MACROD2: variants seen among roughly 807,000 people sequenced by gnomAD.
MACROD2 encodes ADP-ribose glycohydrolase MACROD2.
Under a neutral mutation model 70.4 loss-of-function variants are expected in MACROD2, and 36 were observed. The ratio of observed to expected loss-of-function variants is 0.51; its 90% confidence interval spans 0.39 to 0.68. The LOEUF is 0.68. MACROD2 is among the 30% of genes least tolerant of loss of function. The pLI, the probability that MACROD2 is intolerant of heterozygous loss-of-function variation, is 0.00. For missense variants in MACROD2, 496 were observed against 538.4 expected (o/e 0.92, Z 0.78); for synonymous variants, 172 against 178.8 (o/e 0.96, Z 0.30).
chr20:14,475,040 T>C (rs953029070), intron 3 of MACROD2, among the ~76,000 whole-genome samples: 1 of 152,072 alleles, frequency 6.6e-6, no homozygotes, highest in Non-Finnish European at 1.5e-5. Context: ...TCTTTCTTTT[T>C]CTCTTACTTT....
intron 9 of MACROD2, among the ~76,000 whole-genome samples, chr20:15,876,121 T>TATATATATATATATATATA (rs1568611993): frequency 3.9e-5 from 1 of 25,474 alleles, no homozygotes; most frequent in African/African-American, 1.2e-4. Flanking sequence ...ATGTGTGTAT[T>TATATATATATATATATATA]TTTTTTATTA....
chr20:15,380,052 A>G (rs2045620127), intron 6 of MACROD2, among the ~76,000 whole-genome samples: 1 of 152,122 alleles, frequency 6.6e-6, no homozygotes, highest in African/African-American at 2.4e-5. Flanking sequence ...GCTCCTCTTT[A>G]TCTTTACATA....
chr20:15,101,721 G>A (rs543790893), intron 5 of MACROD2, among the ~76,000 whole-genome samples: 104 of 151,684 alleles, frequency 6.9e-4, no homozygotes, highest in African/African-American at 2.3e-3. Flanking sequence ...TTCAGAATAC[G>A]AATTATAGAC....
chr20:16,003,946 G>A lies in MACROD2; in HGVS notation c.1153+16788G>A, dbSNP rs568775983. Among the ~76,000 whole-genome samples the A allele has an allele frequency of 2.0e-5, 3 of 152,228 alleles. No homozygotes were observed. The South Asian group carries it at 6.2e-4, about 32-fold the overall frequency. ...GGCCTCCAAAAGTGCTGGGATTACGGGCTTGAGCCACCGTGCCCGGCCAAA... is the reference window on the plus strand; with the variant it reads ...GGCCTCCAAAAGTGCTGGGATTACGAGCTTGAGCCACCGTGCCCGGCCAAA... On this transcript the variant is annotated intron_variant, in intron 15 of 17. Coordinates refer to ENST00000684519, the MANE Select transcript of MACROD2 (RefSeq NM_001351661.2).
intron 3 of MACROD2, among the ~76,000 whole-genome samples, chr20:14,447,466 T>C (rs1404580296): frequency 1.3e-5 from 2 of 152,110 alleles, no homozygotes; most frequent in Non-Finnish European, 2.9e-5. Context: ...TTTTATCCCA[T>C]GGCAAGGGAG....
intron 4 of MACROD2, among the ~76,000 whole-genome samples, chr20:14,678,980 C>T (rs1172289639): frequency 6.6e-6 from 1 of 151,818 alleles, no homozygotes; most frequent in Non-Finnish European, 1.5e-5. Flanking sequence ...ATTACTTTTC[C>T]TCCCACATTT....
intron 8 of MACROD2, among the ~76,000 whole-genome samples, chr20:15,804,957 C>T (rs957203021): frequency 2.6e-5 from 4 of 152,226 alleles, no homozygotes; most frequent in Admixed American, 6.5e-5. Flanking sequence ...ATATTTTCTA[C>T]ACTGTCTCCC....
chr20:14,191,554 AAT>A (rs745677243), intron 3 of MACROD2, among the ~76,000 whole-genome samples: 6 of 152,222 alleles, frequency 3.9e-5, no homozygotes, highest in Non-Finnish European at 5.9e-5. Flanking sequence ...ATAAAAACAA[AAT>A]ATATATTTTG....
chr20:14,082,588 G>C (rs2054014042), intron 2 of MACROD2, among the ~76,000 whole-genome samples: 1 of 152,068 alleles, frequency 6.6e-6, no homozygotes, highest in Non-Finnish European at 1.5e-5. Flanking sequence ...GCAAATGTGA[G>C]TTACTTACAT....
intron 7 of MACROD2, among the ~76,000 whole-genome samples, chr20:15,469,914 G>C (rs1600457562): frequency 6.6e-6 from 1 of 152,062 alleles, no homozygotes; most frequent in East Asian, 1.9e-4. Flanking sequence ...TAGAGGCACA[G>C]GTAAGTTAAG....
At chr20:14,134,150 C>G (rs2054757837) in intron 3 of MACROD2, among the ~76,000 whole-genome samples, 1 of 152,168 alleles carries the variant, frequency 6.6e-6, no homozygotes, top group Admixed American at 6.5e-5. Flanking sequence ...GTCTAGAGGT[C>G]TGCTTCCCAG....
intron 4 of MACROD2, among the ~76,000 whole-genome samples, chr20:14,534,196 G>A (rs1470761222): frequency 2.6e-5 from 4 of 152,172 alleles, no homozygotes; most frequent in Admixed American, 2.6e-4. Context: ...CGTCAGATTC[G>A]AGCGTTGCTT....
rs77245240 is a variant in MACROD2 at position 14,563,801 on chromosome 20, T to G, written c.301+70293T>G. On this transcript the variant is annotated intron_variant, in intron 4 of 17. Transcript: ENST00000684519. ...TAACATTGACAGTCAAGCTATGCAA[T>G]CCTATCAAATTACCAACATCGTTTT... 5.3e-3 allele frequency among the ~76,000 whole-genome samples: 813 copies of G among 152,062 alleles called. 15 individuals are homozygous for G. The highest frequency in any genetic ancestry group is 0.018 in the African/African-American group (768 of 41,522).
chr20:15,647,469 A>C (rs1164016723), intron 8 of MACROD2, among the ~76,000 whole-genome samples: 2 of 152,206 alleles, frequency 1.3e-5, no homozygotes. Context: ...AGCAATCCCC[A>C]CATTAGGATG....
chr20:15,206,724 T>TTTTTTTTTTTTTTTTTG lies in MACROD2; in HGVS notation c.419-23200_419-23199insGTTTTTTTTTTTTTTTT. ...TGAAGTCTTTCATATTATCTATGTT[T>TTTTTTTTTTTTTTTTTG]TTTTTTTTTTTTTTTTTTTTTTTGA... is the stretch of plus-strand genomic sequence containing the variant. On this transcript the variant is annotated intron_variant, in intron 5 of 17. Transcript: ENST00000684519. Among the ~76,000 whole-genome samples, 2 of 57,888 alleles carry TTTTTTTTTTTTTTTTTG rather than the reference T, an allele frequency of 3.5e-5. 1 individual carries two copies. The highest frequency in any genetic ancestry group is 6.7e-5 in the Non-Finnish European group (2 of 29,868). The allele number at this position is 57,888 out of a possible 152,430, so 38.0% of individuals were successfully genotyped here.
At chr20:14,659,727 G>A (rs1986137917) in intron 4 of MACROD2, among the ~76,000 whole-genome samples, 1 of 152,014 alleles carries the variant, frequency 6.6e-6, no homozygotes, top group Non-Finnish European at 1.5e-5. Context: ...TCACCCTTTT[G>A]GGAGTGTACT....
At chr20:15,139,548 G>T (rs1246237508) in intron 5 of MACROD2, among the ~76,000 whole-genome samples, 1 of 152,068 alleles carries the variant, frequency 6.6e-6, no homozygotes, top group East Asian at 1.9e-4. Context: ...TATACCTTGG[G>T]ATGGGCTAAG....
At chr20:14,549,718 G>A (rs1978529951) in intron 4 of MACROD2, among the ~76,000 whole-genome samples, 1 of 151,988 alleles carries the variant, frequency 6.6e-6, no homozygotes, top group Non-Finnish European at 1.5e-5. Flanking sequence ...TCTTATGTCA[G>A]TCACTGTGCT....
rs71950480 is a variant in MACROD2 at position 15,191,929 on chromosome 20, T to TAGAGAGAGAG, written c.419-38010_419-38009insGAGAGAGAGA. Among the ~76,000 whole-genome samples, 130 of 86,444 alleles carry TAGAGAGAGAG rather than the reference T, an allele frequency of 1.5e-3. 2 individuals are homozygous for TAGAGAGAGAG. Among genetic ancestry groups the TAGAGAGAGAG allele is most frequent in the African/African-American group, 3.2e-3 (71 of 22,434 alleles). The allele number at this position is 86,444 out of a possible 152,430, so 56.7% of individuals were successfully genotyped here. Reference sequence around the variant, plus strand: ...CTACACATATGTGTATATATATATATATAGAGAGAGAGAGAGTTAATACAT... The same window carrying TAGAGAGAGAG: ...CTACACATATGTGTATATATATATATAGAGAGAGAGATAGAGAGAGAGAGAGTTAATACAT... On this transcript the variant is annotated intron_variant, in intron 5 of 17. Transcript: ENST00000684519.
Sources: allele counts gnomAD v4.1 joint callset (sites outside exome capture counted in the v4.1 genomes callset), GRCh38; gene constraint gnomAD v4.1.1; transcripts MANE v1.5; gene names NCBI Gene and HGNC (gene_info 2026-07-23, HGNC 2026-07-21).